Variants in DHX15 observed in about 807,000 individuals in gnomAD.
DHX15 encodes DEAH-box helicase 15.
In DHX15, 11 loss-of-function variants were observed where a neutral mutation model predicts 94.4. That is an observed-to-expected ratio of 0.12 (90% CI 0.07 to 0.19). The LOEUF (loss-of-function observed/expected upper bound fraction) is 0.19. Among genes scored for constraint, DHX15 ranks in the 10% least tolerant of loss-of-function variants. DHX15 has a pLI of 1.00. For missense variants in DHX15, 304 were observed against 988.5 expected (o/e 0.31, Z 9.29); for synonymous variants, 338 against 329.9 (o/e 1.02, Z -0.27).
chr4:24,570,919 T>G, intron 2 of DHX15, 72 bp from the exon 3 acceptor site: 2 of 1,464,776 alleles, frequency 1.4e-6, no homozygotes, highest in Non-Finnish European at 1.9e-6. Flanking sequence ...ATAAAGCACT[T>G]TATCTCATTC....
chr4:24,529,804 T>C lies in DHX15; in HGVS notation c.2101-34A>G, dbSNP rs140954306. On this transcript the variant is annotated intron_variant, in intron 12 of 13. Transcript: ENST00000336812. ...AAAACCCAGTATATTATTAATACAATGCTTCTGACTTGCTAGTTGTAAAGC... is the reference window on the plus strand; with the variant it reads ...AAAACCCAGTATATTATTAATACAACGCTTCTGACTTGCTAGTTGTAAAGC... The C allele has an allele frequency of 1.2e-4, 199 of 1,606,914 alleles. 1 individual carries two copies. The East Asian group carries it at 3.6e-3, about 29-fold the overall frequency.
intron 12 of DHX15, chr4:24,530,187 G>A (rs997448263): frequency 1.7e-5 from 4 of 232,682 alleles, no homozygotes; most frequent in Non-Finnish European, 3.3e-5. Context: ...TGGGTCCACA[G>A]AGCCCAACAT....
chr4:24,567,286 T>C (rs1029678865), intron 3 of DHX15, among the ~76,000 whole-genome samples: 2 of 152,212 alleles, frequency 1.3e-5, no homozygotes, highest in African/African-American at 4.8e-5. Flanking sequence ...AATTAAAATA[T>C]GTTACAACCA....
intron 3 of DHX15, among the ~76,000 whole-genome samples, chr4:24,564,066 CAAAAA>C (rs56255704): frequency 2.7e-5 from 2 of 74,724 alleles, no homozygotes; most frequent in Non-Finnish European, 2.7e-5. Context: ...GACTCCGTCT[CAAAAA>C]AAAAAAAAAA....
intron 7 of DHX15, 50 bp downstream of exon 7, chr4:24,542,887 TGTA>T (rs1721345506): frequency 1.5e-6 from 2 of 1,319,438 alleles, no homozygotes; most frequent in Middle Eastern, 3.7e-4. Flanking sequence ...ATGAATTGGT[TGTA>T]AGTACTGTTA....
At position 24,577,703 on chromosome 4, in the gene DHX15, C is replaced by A. The variant is rs147365937; in HGVS notation, c.72-1025G>T. The stretch of plus-strand genomic sequence containing the variant: ...ATAAGTCATTTTAAAAGTATCTATG[C>A]TAAGAACTTCACAAGCAGAATGGCT... On this transcript the variant is annotated intron_variant, in intron 1 of 13. Coordinates refer to ENST00000336812, the MANE Select transcript of DHX15 (RefSeq NM_001358.3). Among the ~76,000 whole-genome samples, 430 of 152,174 alleles carry A rather than the reference C, an allele frequency of 2.8e-3. 2 individuals are homozygous for A. The highest frequency in any genetic ancestry group is 0.01 in the Middle Eastern group (3 of 294).
At chr4:24,556,126 G>A (rs1721733429) in intron 4 of DHX15, 125 bp downstream of exon 4, 2 of 675,384 alleles carry the variant, frequency 3.0e-6, no homozygotes, top group Non-Finnish European at 4.7e-6. Flanking sequence ...AAAACAAGAA[G>A]GTACTTACTA....
intron 3 of DHX15, among the ~76,000 whole-genome samples, chr4:24,558,335 T>C (rs1166334992): frequency 6.6e-6 from 1 of 152,170 alleles, no homozygotes; most frequent in Non-Finnish European, 1.5e-5. Context: ...TGATAAAATA[T>C]GACTTTAAGT....
At chr4:24,556,439 G>A (rs779281036) in intron 3 of DHX15, 29 bp from the exon 4 acceptor site, 1 of 1,554,116 alleles carries the variant, frequency 6.4e-7, no homozygotes, top group South Asian at 1.2e-5. Context: ...GTTGGTTAAA[G>A]GTTCCGTTAG....
chr4:24,555,190 TCAG>T (rs1483790789), intron 4 of DHX15, among the ~76,000 whole-genome samples: 1 of 151,764 alleles, frequency 6.6e-6, no homozygotes, highest in Non-Finnish European at 1.5e-5. Flanking sequence ...TACCTTAAAA[TCAG>T]ATTTTATAAA....
chr4:24,556,731 A>C (rs1156511839), intron 3 of DHX15, among the ~76,000 whole-genome samples: 2 of 152,360 alleles, frequency 1.3e-5, no homozygotes, highest in South Asian at 4.1e-4. Context: ...CGTCATTTTC[A>C]ATTTCTTAAA....
chr4:24,548,994 T>C lies in DHX15; in HGVS notation c.1109A>G (p.Lys370Arg), dbSNP rs1309456759. ...EEIDEACKRI[K>R]REVDDLGPEV... The stretch of plus-strand genomic sequence containing the variant: ...AGGGCCCAAATCATCAACTTCACGC[T>C]TTATTCTCTTACAGGCTTCATCAAT... Residue 370 changes from lysine to arginine, a missense_variant, in exon 6 of 14, where the codon AAG becomes AGG. This residue lies in a region of DHX15 where 40 missense variants were observed against 107.1 expected (regional missense o/e 0.37). Coordinates refer to ENST00000336812, the MANE Select transcript of DHX15 (RefSeq NM_001358.3). 6.2e-7 allele frequency: 1 copy of C among 1,613,462 alleles called. No homozygotes were observed.
At chr4:24,556,220 A>T in intron 4 of DHX15, 31 bp downstream of exon 4, 1 of 1,602,400 alleles carries the variant, frequency 6.2e-7, no homozygotes, top group Non-Finnish European at 8.5e-7. Flanking sequence ...ACACACATAT[A>T]TAGTTAAATG....
At chr4:24,529,855 G>T in intron 12 of DHX15, 85 bp from the exon 13 acceptor site, 2 of 1,366,124 alleles carry the variant, frequency 1.5e-6, no homozygotes, top group Non-Finnish European at 2.1e-6. Context: ...GAAGAGGCAG[G>T]CCTCCCTTTT....
At chr4:24,546,596 T>A (rs1721429279) in intron 6 of DHX15, among the ~76,000 whole-genome samples, 1 of 152,330 alleles carries the variant, frequency 6.6e-6, no homozygotes, top group African/African-American at 2.4e-5. Context: ...CTCATATAAA[T>A]ATATGTTGCA....
At chr4:24,551,039 G>A (rs1162857758) in intron 5 of DHX15, among the ~76,000 whole-genome samples, 2 of 152,098 alleles carry the variant, frequency 1.3e-5, no homozygotes, top group Non-Finnish European at 2.9e-5. Context: ...TTGTTATGTG[G>A]CACATGACTA....
At chr4:24,580,500 A>T (rs924642693) in intron 1 of DHX15, among the ~76,000 whole-genome samples, 3 of 150,416 alleles carry the variant, frequency 2.0e-5, no homozygotes, top group Non-Finnish European at 4.4e-5. Context: ...GATATTTTAA[A>T]TAAGCATTGC....
At chr4:24,573,918 C>T (rs762745799) in intron 2 of DHX15, among the ~76,000 whole-genome samples, 2 of 147,836 alleles carry the variant, frequency 1.4e-5, no homozygotes, top group Non-Finnish European at 3.0e-5. Flanking sequence ...AGTCATGGCC[C>T]GGTGCAGTGG....
rs1434386126 is a variant in DHX15, at chr4:24,547,875, CTCTCTCTCTCTCTCTATG to C, written c.1248+962_1248+979del. Among the ~76,000 whole-genome samples, 197 of 86,918 alleles carry C rather than the reference CTCTCTCTCTCTCTCTATG, an allele frequency of 2.3e-3. 5 individuals carry two copies. Among genetic ancestry groups the C allele is most frequent in the Middle Eastern group, 6.5e-3 (1 of 154 alleles). The allele number at this position is 86,918 out of a possible 152,430, so 57.0% of individuals were successfully genotyped here. ...AAGACATATATGTCTCTCTCTCTCT[CTCTCTCTCTCTCTCTATG>C]TATGTATGTGTATATATATATATAT... is the stretch of plus-strand genomic sequence containing the variant. On this transcript the variant is annotated intron_variant, in intron 6 of 13. Transcript: ENST00000336812.
Sources: gnomAD v4.1 joint callset for allele counts (sites outside exome capture counted in the v4.1 genomes callset) on GRCh38, gnomAD v4.1.1 for gene constraint, gnomAD v4.1.1 regional missense constraint, MANE v1.5 for transcripts, NCBI Gene and HGNC (gene_info 2026-07-23, HGNC 2026-07-21) for gene names.